Variants in ABLIM3 observed in about 807,000 individuals in gnomAD.
The protein encoded by ABLIM3 is actin-binding LIM protein 3.
ABLIM3 carries 61 observed loss-of-function variants against 109.5 expected under a neutral mutation model. The ratio of observed to expected loss-of-function variants is 0.56; its 90% CI spans 0.45 to 0.69. The LOEUF (loss-of-function observed/expected upper bound fraction) is 0.69, where lower values mean the gene tolerates loss of function less well. Among genes scored for constraint, ABLIM3 ranks in the 30% least tolerant of loss-of-function variants. The probability of loss-of-function intolerance (pLI) is 0.00; values close to 1 mark genes in which losing one functional copy is unlikely to be tolerated. For missense variants in ABLIM3, 796 were observed against 889.5 expected (o/e 0.89, Z 1.34); for synonymous variants, 300 against 324.8 (o/e 0.92, Z 0.82).
chr5:149,245,035 C>A lies in ABLIM3; in HGVS notation c.1486+20C>A. 4.3e-6 allele frequency: 7 copies of A among 1,614,160 alleles called. No homozygotes were observed. Among genetic ancestry groups the A allele is most frequent in the Non-Finnish European group, 5.9e-6 (7 of 1,180,006 alleles). Reference sequence around the variant, plus strand: ...CCAAAGGTAGTACCCCCATAGGAGCCTGGGTCCAGGGCCCTAACACCTGTG... The same window carrying A: ...CCAAAGGTAGTACCCCCATAGGAGCATGGGTCCAGGGCCCTAACACCTGTG... On this transcript the variant is annotated intron_variant, in intron 16 of 23. Coordinates refer to ENST00000309868, the MANE Select transcript of ABLIM3 (RefSeq NM_014945.5).
chr5:149,222,578 G>A (rs74590221), intron 8 of ABLIM3, among the ~76,000 whole-genome samples: 2,690 of 151,716 alleles, frequency 0.018, 85 homozygotes, highest in African/African-American at 0.061. Context: ...ACACAAATCC[G>A]AAACGGAGTC....
chr5:149,147,533 T>G (rs1463684985), intron 2 of ABLIM3, among the ~76,000 whole-genome samples: 1 of 152,206 alleles, frequency 6.6e-6, no homozygotes, highest in East Asian at 1.9e-4. Flanking sequence ...CTTTTTTCAT[T>G]TTGTGTAAAT....
intron 2 of ABLIM3, among the ~76,000 whole-genome samples, chr5:149,155,889 T>A (rs1376889325): frequency 6.6e-6 from 1 of 152,138 alleles, no homozygotes; most frequent in African/African-American, 2.4e-5. Context: ...CTACAGCCAA[T>A]GAGGAGTCAG....
At chr5:149,183,952 G>A (rs796265824) in intron 3 of ABLIM3, among the ~76,000 whole-genome samples, 65 of 145,934 alleles carry the variant, frequency 4.5e-4, no homozygotes, top group African/African-American at 1.6e-3. Flanking sequence ...AGTTTTTTTT[G>A]TTTGTTTTTT....
chr5:149,142,133 C>A, intron 2 of ABLIM3, 25 bp downstream of exon 2: 5 of 1,612,912 alleles, frequency 3.1e-6, no homozygotes, highest in Non-Finnish European at 4.2e-6. Context: ...CTCTCCTTTG[C>A]CATGGGAACA....
chr5:149,198,291 A>T lies in ABLIM3; in HGVS notation c.224A>T (p.Gln75Leu). 6.2e-7 allele frequency: 1 copy of T among 1,614,232 alleles called. No homozygotes were observed. The highest frequency in any genetic ancestry group is 8.5e-7 in the Non-Finnish European group (1 of 1,180,028). The change falls in exon 4 of 24, where the codon CAG becomes CTG. Residue 75 changes from glutamine to leucine, a missense_variant. Gln to Leu is a moderately radical substitution (Grantham distance 113). Transcript: ENST00000309868. This position sits in a 1 kb window ranked among gnomAD's most constrained non-coding sequence, Gnocchi z 4.2. ...NQEYICTQDY[Q>L]QLYGTRCDSC... ...GAGTACATCTGCACCCAGGACTACCAGCAACTCTATGGCACCCGCTGTGAC... is the reference window on the plus strand; with the variant it reads ...GAGTACATCTGCACCCAGGACTACCTGCAACTCTATGGCACCCGCTGTGAC...
intron 2 of ABLIM3, among the ~76,000 whole-genome samples, chr5:149,152,002 C>T (rs776204794): frequency 2.1e-4 from 32 of 152,140 alleles, no homozygotes; most frequent in Admixed American, 7.2e-4. Context: ...TAAAGGGACA[C>T]GTCTTATTTG....
At chr5:149,179,552 T>C (rs550704704) in intron 2 of ABLIM3, among the ~76,000 whole-genome samples, 2 of 152,314 alleles carry the variant, frequency 1.3e-5, no homozygotes, top group Admixed American at 6.5e-5. Flanking sequence ...TAGAACTCTT[T>C]AGGGATAAAA....
intron 23 of ABLIM3, among the ~76,000 whole-genome samples, chr5:149,253,794 A>C (rs865969296): frequency 1.5e-4 from 23 of 152,290 alleles, no homozygotes; most frequent in Middle Eastern, 3.4e-3. Context: ...TGCCCCTTAC[A>C]GCCTGTTGCC....
chr5:149,246,746 G>T (rs543828747), intron 17 of ABLIM3, among the ~76,000 whole-genome samples, 200 bp downstream of exon 17: 2 of 152,358 alleles, frequency 1.3e-5, no homozygotes, highest in African/African-American at 4.8e-5. Flanking sequence ...AATGTCATAG[G>T]AAATTTGTCT....
chr5:149,159,769 C>G (rs954634071), intron 2 of ABLIM3, among the ~76,000 whole-genome samples: 5 of 152,176 alleles, frequency 3.3e-5, no homozygotes, highest in Middle Eastern at 3.2e-3. Context: ...AAGCGTCGTA[C>G]AGCTCAAGAA....
Position 149,198,411 on chromosome 5 carries a change from G to A in ABLIM3, c.335+9G>A. On this transcript the variant is annotated intron_variant, in intron 4 of 23. Transcript: ENST00000309868. The surrounding 1 kb of genome is among the most constrained non-coding windows in gnomAD (Gnocchi z 4.2). ...GTGTGCAGCTTGTGCAGGTGAGTGG[G>A]CGACCAGCAGGGCCTGGGACCCTCT... 1 of 1,601,014 alleles carries A rather than the reference G, an allele frequency of 6.2e-7. No homozygotes were observed. Among genetic ancestry groups the A allele is most frequent in the Non-Finnish European group, 8.5e-7 (1 of 1,173,298 alleles).
chr5:149,230,156 A>G (rs1179186764), intron 8 of ABLIM3, among the ~76,000 whole-genome samples: 2 of 152,200 alleles, frequency 1.3e-5, no homozygotes, highest in African/African-American at 4.8e-5. Flanking sequence ...ACTGCCAATC[A>G]TGCACTCACC....
intron 15 of ABLIM3, 196 bp from the exon 16 acceptor site, chr5:149,244,685 T>A: frequency 1.6e-6 from 1 of 642,258 alleles, no homozygotes; most frequent in East Asian, 2.7e-5. Context: ...GTGCTCCAAT[T>A]ACTAAATGCA....
At chr5:149,223,348 A>G (rs578092273) in intron 8 of ABLIM3, among the ~76,000 whole-genome samples, 2 of 152,252 alleles carry the variant, frequency 1.3e-5, no homozygotes, top group East Asian at 1.9e-4. Flanking sequence ...TAGAGTAGCA[A>G]TTTCCCGGCT....
chr5:149,242,451 C>T, intron 14 of ABLIM3, 40 bp from the exon 15 acceptor site: 1 of 1,602,364 alleles, frequency 6.2e-7, no homozygotes, highest in Non-Finnish European at 8.6e-7. Flanking sequence ...CTGTCTCTCT[C>T]TCTCCCCTCC....
intron 8 of ABLIM3, among the ~76,000 whole-genome samples, chr5:149,225,982 GTATATA>G (rs58844908): frequency 0.044 from 1,987 of 44,874 alleles, 25 homozygotes; most frequent in Non-Finnish European, 0.049. Flanking sequence ...GTGTGTGTGT[GTATATA>G]TATATATATA....
intron 2 of ABLIM3, among the ~76,000 whole-genome samples, chr5:149,175,246 G>A (rs1755819383): frequency 6.6e-6 from 1 of 152,168 alleles, no homozygotes; most frequent in South Asian, 2.1e-4. Flanking sequence ...TATTAACTGG[G>A]ATTTCCTTTA....
At chr5:149,148,602 G>A (rs888091492) in intron 2 of ABLIM3, among the ~76,000 whole-genome samples, 1 of 151,992 alleles carries the variant, frequency 6.6e-6, no homozygotes, top group Non-Finnish European at 1.5e-5. Context: ...TTCAGCGATC[G>A]GCCGCATCCC....
Sources: allele counts gnomAD v4.1 joint callset (sites outside exome capture counted in the v4.1 genomes callset), GRCh38; gene constraint gnomAD v4.1.1; non-coding constraint Gnocchi (gnomAD v3.1); transcripts MANE v1.5; gene names NCBI Gene and HGNC (gene_info 2026-07-23, HGNC 2026-07-21).